The following DPP10 variants were observed in gnomAD, a reference collection of about 807,000 sequenced individuals.
DPP10 encodes the protein inactive dipeptidyl peptidase 10.
In DPP10, 33 loss-of-function variants were observed where a neutral mutation model predicts 120.9. The observed-to-expected ratio is 0.27, with a 90% CI of 0.21 to 0.37. The LOEUF is 0.37. DPP10 is among the 10% of genes least tolerant of loss of function. The probability of loss-of-function intolerance (pLI) is 1.00; values close to 1 mark genes in which losing one functional copy is unlikely to be tolerated. For missense variants in DPP10, 816 were observed against 942.8 expected (o/e 0.87, Z 1.76); for synonymous variants, 337 against 326.1 (o/e 1.03, Z -0.36).
intron 7 of DPP10, among the ~76,000 whole-genome samples, chr2:115,692,617 G>A (rs113928273): frequency 0.02 from 3,031 of 151,836 alleles, 89 homozygotes; most frequent in African/African-American, 0.067. Context: ...TTCTTTTAAC[G>A]TAGTTTAGAA....
At chr2:114,677,245 A>G (rs1698732763) in intron 1 of DPP10, among the ~76,000 whole-genome samples, 2 of 152,212 alleles carry the variant, frequency 1.3e-5, no homozygotes, top group African/African-American at 4.8e-5. Context: ...GCTCTTAACT[A>G]TTAACATTGT....
intron 1 of DPP10, among the ~76,000 whole-genome samples, chr2:114,685,094 T>C (rs748045299): frequency 9.2e-5 from 14 of 152,008 alleles, no homozygotes; most frequent in Admixed American, 2.6e-4. Context: ...TCTTTCCAGA[T>C]ATCCTCATTT....
intron 1 of DPP10, among the ~76,000 whole-genome samples, chr2:115,108,940 C>A (rs1423499945): frequency 6.6e-6 from 1 of 152,100 alleles, no homozygotes; most frequent in Non-Finnish European, 1.5e-5. Context: ...AGATGTGGCC[C>A]CTGCTGTATC....
chr2:114,672,945 G>A (rs933935774), intron 1 of DPP10, among the ~76,000 whole-genome samples: 8 of 152,030 alleles, frequency 5.3e-5, no homozygotes, highest in Admixed American at 5.2e-4. Flanking sequence ...GCATGGCATG[G>A]TGTCTCCCCC....
At chr2:115,677,220 T>C (rs2090333564) in intron 5 of DPP10, among the ~76,000 whole-genome samples, 1 of 152,126 alleles carries the variant, frequency 6.6e-6, no homozygotes, top group South Asian at 2.1e-4. Context: ...ACATGGGCAA[T>C]CTCTACCATT....
intron 1 of DPP10, among the ~76,000 whole-genome samples, chr2:115,300,263 G>C (rs1444576370): frequency 6.6e-6 from 1 of 151,874 alleles, no homozygotes; most frequent in Non-Finnish European, 1.5e-5. Context: ...CTACCATTCT[G>C]CCTTCTGTCT....
intron 1 of DPP10, among the ~76,000 whole-genome samples, chr2:115,165,927 A>T (rs2105010827): frequency 6.6e-6 from 1 of 152,244 alleles, no homozygotes; most frequent in East Asian, 1.9e-4. Flanking sequence ...TTTCTTTAAA[A>T]AAATGCATTT....
chr2:114,774,197 G>C (rs1681522826), intron 1 of DPP10, among the ~76,000 whole-genome samples: 1 of 152,088 alleles, frequency 6.6e-6, no homozygotes, highest in East Asian at 1.9e-4. Flanking sequence ...CTGTCCTCAA[G>C]AAGCTCATAC....
At chr2:114,503,858 T>G (rs907086152) in intron 1 of DPP10, among the ~76,000 whole-genome samples, 3 of 152,354 alleles carry the variant, frequency 2.0e-5, no homozygotes, top group African/African-American at 7.2e-5. Flanking sequence ...CTTTTTGGTT[T>G]TTATAATTAT....
At chr2:115,806,029 C>T (rs1415521894) in intron 19 of DPP10, among the ~76,000 whole-genome samples, 1 of 152,102 alleles carries the variant, frequency 6.6e-6, no homozygotes, top group Non-Finnish European at 1.5e-5. Context: ...AGTGAAAACT[C>T]AGCAACAATG....
chr2:114,680,099 T>A (rs1047262263), intron 1 of DPP10, among the ~76,000 whole-genome samples: 5 of 152,044 alleles, frequency 3.3e-5, no homozygotes, highest in African/African-American at 1.2e-4. Context: ...CTCTTGAGGC[T>A]TATCTATTTC....
intron 5 of DPP10, among the ~76,000 whole-genome samples, chr2:115,601,034 A>G (rs188776980): frequency 1.1e-3 from 162 of 152,254 alleles, no homozygotes; most frequent in African/African-American, 3.8e-3. Context: ...ATTTATGCCT[A>G]TTCACCTGCT....
At chr2:114,668,087 G>T (rs1698065552) in intron 1 of DPP10, among the ~76,000 whole-genome samples, 2 of 151,994 alleles carry the variant, frequency 1.3e-5, no homozygotes, top group African/African-American at 4.8e-5. Flanking sequence ...GTTCTCCAGA[G>T]AAACAGAATT....
intron 1 of DPP10, among the ~76,000 whole-genome samples, chr2:114,943,220 G>C (rs1697093209): frequency 6.6e-6 from 1 of 152,128 alleles, no homozygotes; most frequent in Non-Finnish European, 1.5e-5. Context: ...CCCTGCAAAG[G>C]ACACGAACTC....
chr2:115,292,198 A>G (rs1342867427), intron 1 of DPP10, among the ~76,000 whole-genome samples: 1 of 152,156 alleles, frequency 6.6e-6, no homozygotes, highest in African/African-American at 2.4e-5. Flanking sequence ...CTTCATAGGA[A>G]TGAATCCCTT....
intron 1 of DPP10, among the ~76,000 whole-genome samples, chr2:114,974,633 T>G (rs939992368): frequency 1.3e-5 from 2 of 152,160 alleles, no homozygotes; most frequent in Middle Eastern, 3.4e-3. Flanking sequence ...GATCTTGAAC[T>G]CCTGCCCTCA....
intron 1 of DPP10, among the ~76,000 whole-genome samples, chr2:115,135,692 G>A (rs1465974133): frequency 6.6e-6 from 1 of 152,182 alleles, no homozygotes; most frequent in Non-Finnish European, 1.5e-5. Context: ...TTCTTGTAGT[G>A]AATATAAATG....
intron 1 of DPP10, among the ~76,000 whole-genome samples, chr2:114,607,526 A>G (rs1692918434): frequency 6.6e-6 from 1 of 152,088 alleles, no homozygotes; most frequent in Non-Finnish European, 1.5e-5. Flanking sequence ...CTCCTTATAT[A>G]TTTCTTAATA....
intron 1 of DPP10, among the ~76,000 whole-genome samples, chr2:115,032,257 G>T (rs1466133724): frequency 6.6e-6 from 1 of 151,518 alleles, no homozygotes; most frequent in Non-Finnish European, 1.5e-5. Context: ...AAGCACAGAA[G>T]CTGCTTTCAG....
Sources: allele counts gnomAD v4.1 joint callset (sites outside exome capture counted in the v4.1 genomes callset), GRCh38; gene constraint gnomAD v4.1.1; transcripts MANE v1.5; gene names NCBI Gene and HGNC (gene_info 2026-07-23, HGNC 2026-07-21).